The following KLF12 variants were observed in gnomAD, a reference collection of about 807,000 sequenced individuals.
The protein encoded by KLF12 is KLF transcription factor 12.
Under a neutral mutation model 37.8 loss-of-function variants are expected in KLF12, and 9 were observed. The ratio of observed to expected loss-of-function variants is 0.24; its 90% CI spans 0.14 to 0.42. The LOEUF is 0.42. Among genes scored for constraint, KLF12 ranks in the 10% least tolerant of loss-of-function variants. KLF12 has a pLI of 1.00. For missense variants in KLF12, 411 were observed against 516.0 expected (o/e 0.80, Z 1.97); for synonymous variants, 208 against 202.1 (o/e 1.03, Z -0.25).
At chr13:74,027,918 G>A (rs965254524) in intron 1 of KLF12, among the ~76,000 whole-genome samples, 3 of 151,914 alleles carry the variant, frequency 2.0e-5, no homozygotes, top group African/African-American at 7.3e-5. Flanking sequence ...ATTTCATCAC[G>A]ATTACCCACT....
At chr13:74,239,127 T>G in the KLF12 span, among the ~76,000 whole-genome samples, 8 of 145,596 alleles carry the variant, frequency 5.5e-5, no homozygotes, top group Non-Finnish European at 9.1e-5. Flanking sequence ...TCCCAGAGAT[T>G]CTGGTATGTT....
the KLF12 span, among the ~76,000 whole-genome samples, chr13:74,243,220 C>T: frequency 2.0e-5 from 3 of 152,016 alleles, no homozygotes; most frequent in South Asian, 4.2e-4. Context: ...GTTTTCTGTT[C>T]CTGTGTTAGT....
At chr13:73,738,104 T>TACACACAC (rs772058212) in intron 6 of KLF12, among the ~76,000 whole-genome samples, 9,493 of 102,192 alleles carry the variant, frequency 0.093, 867 homozygotes, top group African/African-American at 0.19. Context: ...TATATATATA[T>TACACACAC]ATATATATAT....
chr13:73,793,463 C>T (rs1282135912), intron 5 of KLF12, among the ~76,000 whole-genome samples: 1 of 152,180 alleles, frequency 6.6e-6, no homozygotes, highest in Non-Finnish European at 1.5e-5. Context: ...CACATTGAGG[C>T]TAATTTTCTG....
chr13:73,964,668 G>T lies in KLF12; in HGVS notation c.34-20598C>A, dbSNP rs149110392. Reference sequence around the variant, plus strand: ...TTAGTGTATACCCGAAAGCTTTTTGGACCCCCCAATTCTTTCAAAAAGGTA... The same window carrying T: ...TTAGTGTATACCCGAAAGCTTTTTGTACCCCCCAATTCTTTCAAAAAGGTA... On this transcript the variant is annotated intron_variant, in intron 2 of 7. Transcript: ENST00000377669. Among the ~76,000 whole-genome samples, 337 of 151,028 alleles carry T rather than the reference G, an allele frequency of 2.2e-3. 2 individuals carry two copies. The highest frequency in any genetic ancestry group is 7.9e-3 in the African/African-American group (324 of 41,086).
At chr13:73,873,872 TTTAAA>T (rs955332084) in intron 3 of KLF12, among the ~76,000 whole-genome samples, 1 of 152,116 alleles carries the variant, frequency 6.6e-6, no homozygotes, top group Non-Finnish European at 1.5e-5. Flanking sequence ...TATAATAGTG[TTTAAA>T]TTAAGAAGGC....
intron 4 of KLF12, among the ~76,000 whole-genome samples, chr13:73,826,661 A>G (rs1055717245): frequency 6.6e-6 from 1 of 151,736 alleles, no homozygotes. Context: ...ATTCTGGTGT[A>G]TATCCTTCCC....
At chr13:73,712,338 C>CAAAAAAAAAAAAAAAAAAAA (rs752694466) in intron 7 of KLF12, among the ~76,000 whole-genome samples, 1 of 42,058 alleles carries the variant, frequency 2.4e-5, no homozygotes, top group Non-Finnish European at 5.2e-5. Flanking sequence ...AACTCCATGT[C>CAAAAAAAAAAAAAAAAAAAA]AAAAAAAAAA....
At chr13:73,708,739 T>A (rs1875137667) in intron 7 of KLF12, among the ~76,000 whole-genome samples, 1 of 152,190 alleles carries the variant, frequency 6.6e-6, no homozygotes, top group African/African-American at 2.4e-5. Context: ...TGCAAATCAG[T>A]TAATAAGCAA....
chr13:74,081,248 C>T (rs1228013796), intron 1 of KLF12, among the ~76,000 whole-genome samples: 1 of 152,166 alleles, frequency 6.6e-6, no homozygotes, highest in Non-Finnish European at 1.5e-5. Flanking sequence ...ATGGTACTCG[C>T]AGATTTGTCA....
intron 4 of KLF12, among the ~76,000 whole-genome samples, chr13:73,841,211 A>C (rs1884717424): frequency 6.6e-6 from 1 of 152,292 alleles, no homozygotes; most frequent in East Asian, 1.9e-4. Flanking sequence ...ATCGGAAGGA[A>C]GGAGAATCCT....
the KLF12 span, among the ~76,000 whole-genome samples, chr13:74,278,562 G>A: frequency 3.3e-5 from 5 of 152,144 alleles, no homozygotes; most frequent in Non-Finnish European, 5.9e-5. Context: ...AACAGCCAAG[G>A]ACACATATTA....
chr13:74,016,821 T>C (rs927998967), intron 1 of KLF12, among the ~76,000 whole-genome samples: 1 of 152,204 alleles, frequency 6.6e-6, no homozygotes, highest in African/African-American at 2.4e-5. Context: ...CAAAAGGCAC[T>C]TCTAGAAAAT....
intron 7 of KLF12, among the ~76,000 whole-genome samples, chr13:73,712,450 A>G (rs116684085): frequency 0.014 from 2,072 of 152,068 alleles, 40 homozygotes; most frequent in African/African-American, 0.047. Flanking sequence ...ACGGATGCGC[A>G]AAAAAAGTGA....
chr13:74,301,274 C>G, the KLF12 span, among the ~76,000 whole-genome samples: 2 of 152,118 alleles, frequency 1.3e-5, no homozygotes, highest in African/African-American at 4.8e-5. Context: ...CCAGAAAAAT[C>G]CCTAAATGGA....
chr13:74,008,182 C>T (rs540821546), intron 1 of KLF12, among the ~76,000 whole-genome samples: 1 of 152,116 alleles, frequency 6.6e-6, no homozygotes, highest in South Asian at 2.1e-4. Flanking sequence ...TTCACTAAAA[C>T]AAAAACTTTC....
chr13:73,709,836 T>G (rs1875226678), intron 7 of KLF12, among the ~76,000 whole-genome samples: 1 of 152,166 alleles, frequency 6.6e-6, no homozygotes, highest in African/African-American at 2.4e-5. Context: ...TTAAGACCTA[T>G]CTGAATGGAG....
chr13:73,788,155 T>A (rs145760223), intron 5 of KLF12, among the ~76,000 whole-genome samples: 110 of 152,332 alleles, frequency 7.2e-4, no homozygotes, highest in African/African-American at 2.5e-3. Context: ...AATTGTAGTT[T>A]GTTCATTATG....
intron 2 of KLF12, among the ~76,000 whole-genome samples, chr13:73,984,812 G>T (rs1050326483): frequency 2.6e-5 from 4 of 152,184 alleles, no homozygotes; most frequent in African/African-American, 9.7e-5. Context: ...GTTTGAAGAT[G>T]AACTGTAGCT....
Sources: allele counts gnomAD v4.1 joint callset (sites outside exome capture counted in the v4.1 genomes callset), GRCh38; gene constraint gnomAD v4.1.1; transcripts MANE v1.5; gene names NCBI Gene and HGNC (gene_info 2026-07-23, HGNC 2026-07-21).